The following FAR2 variants were observed in gnomAD, a reference collection of about 807,000 sequenced individuals.
FAR2 encodes the protein epididymis secretory protein Li 81.
A neutral mutation model predicts 56.0 loss-of-function variants in FAR2; 19 were observed. The ratio of observed to expected loss-of-function variants is 0.34; its 90% confidence interval spans 0.24 to 0.50. The LOEUF (loss-of-function observed/expected upper bound fraction) is 0.50, where lower values mean the gene tolerates loss of function less well. FAR2 is among the 20% of genes least tolerant of loss of function. The probability of loss-of-function intolerance (pLI) is 0.98; values close to 1 mark genes in which losing one functional copy is unlikely to be tolerated. For missense variants in FAR2, 508 were observed against 642.2 expected (o/e 0.79, Z 2.26); for synonymous variants, 219 against 218.8 (o/e 1.00, Z -0.01).
At chr12:29,278,112 G>A (rs987258890) in intron 2 of FAR2, among the ~76,000 whole-genome samples, 1 of 151,348 alleles carries the variant, frequency 6.6e-6, no homozygotes, top group African/African-American at 2.4e-5. Context: ...TCAAATTTTT[G>A]TACAGATGGG....
chr12:29,291,283 A>G, intron 2 of FAR2: 1 of 412,014 alleles, frequency 2.4e-6, no homozygotes, highest in African/African-American at 2.1e-5. Flanking sequence ...TACCTGGACC[A>G]TCAGATCCAC....
chr12:29,149,678 C>A (rs1030500772), intron 1 of FAR2, among the ~76,000 whole-genome samples: 4 of 152,166 alleles, frequency 2.6e-5, no homozygotes, highest in Non-Finnish European at 2.9e-5. Context: ...CAAGGTGGGG[C>A]GCGCGGGGGT....
intron 2 of FAR2, among the ~76,000 whole-genome samples, chr12:29,279,928 ATT>A (rs4033039): frequency 6.8e-6 from 1 of 146,378 alleles, no homozygotes; most frequent in African/African-American, 2.5e-5. Flanking sequence ...GTGCAATATA[ATT>A]TTTTTTTTTT....
intron 1 of FAR2, among the ~76,000 whole-genome samples, chr12:29,247,899 T>C (rs1948153391): frequency 6.6e-6 from 1 of 152,226 alleles, no homozygotes; most frequent in African/African-American, 2.4e-5. Context: ...ACACTACATT[T>C]TTCAACATCA....
chr12:29,327,345 T>G (rs1949665753), intron 10 of FAR2, among the ~76,000 whole-genome samples: 1 of 152,102 alleles, frequency 6.6e-6, no homozygotes, highest in Admixed American at 6.5e-5. Flanking sequence ...AATTTATAGA[T>G]TCAATGCCAT....
At chr12:29,173,241 A>G (rs1363991793) in intron 1 of FAR2, among the ~76,000 whole-genome samples, 2 of 152,192 alleles carry the variant, frequency 1.3e-5, no homozygotes, top group African/African-American at 4.8e-5. Flanking sequence ...CCCTTCCCCT[A>G]CAGCTTGAAG....
intron 1 of FAR2, among the ~76,000 whole-genome samples, chr12:29,219,291 A>G (rs370178974): frequency 2.6e-5 from 4 of 152,348 alleles, no homozygotes; most frequent in African/African-American, 9.6e-5. Flanking sequence ...ACACTAAAGT[A>G]ATGTTCAATA....
chr12:29,279,142 T>C (rs1433840950), intron 2 of FAR2, among the ~76,000 whole-genome samples: 1 of 152,228 alleles, frequency 6.6e-6, no homozygotes, highest in African/African-American at 2.4e-5. Context: ...CCAAGAATCG[T>C]TGAGAATTCT....
chr12:29,211,491 T>A (rs1023155576), intron 1 of FAR2, among the ~76,000 whole-genome samples: 1 of 152,114 alleles, frequency 6.6e-6, no homozygotes, highest in Admixed American at 6.6e-5. Flanking sequence ...TATCAACAAG[T>A]TTAGAAAACT....
intron 1 of FAR2, among the ~76,000 whole-genome samples, chr12:29,247,187 A>G (rs143036777): frequency 6.6e-6 from 1 of 152,264 alleles, no homozygotes; most frequent in East Asian, 1.9e-4. Flanking sequence ...TAACCTTCAT[A>G]TTAACTTTTT....
intron 10 of FAR2, among the ~76,000 whole-genome samples, chr12:29,324,417 G>A (rs538661742): frequency 1.1e-4 from 16 of 152,192 alleles, no homozygotes; most frequent in African/African-American, 3.9e-4. Context: ...GATACTCCTC[G>A]AGAAGAGCAA....
At chr12:29,150,070 C>T (rs140960855) in intron 1 of FAR2, among the ~76,000 whole-genome samples, 53 of 152,342 alleles carry the variant, frequency 3.5e-4, no homozygotes, top group Non-Finnish European at 6.8e-4. Context: ...TTTTAGACAT[C>T]TTCCTGCGGC....
In FAR2 at chr12:29,316,832, T is replaced by C; in HGVS notation, c.956-9T>C. On this transcript the variant is annotated splice_polypyrimidine_tract_variant and intron_variant, in intron 8 of 11. Coordinates refer to ENST00000536681, the MANE Select transcript of FAR2 (RefSeq NM_001271783.2). ...TTCTCCTCTAGCACTTACTTTCTTT[T>C]TTCCCCAGGAGTCCAAGTCTTGGCA... 2.5e-6 allele frequency: 4 copies of C among 1,613,724 alleles called. No homozygotes were observed. The highest frequency in any genetic ancestry group is 1.3e-5 in the African/African-American group (1 of 75,016).
At chr12:29,322,837 C>G (rs1369916221) in intron 10 of FAR2, among the ~76,000 whole-genome samples, 2 of 152,170 alleles carry the variant, frequency 1.3e-5, no homozygotes, top group South Asian at 4.1e-4. Flanking sequence ...ATCTGTCACC[C>G]CTTTCTTTGA....
intron 1 of FAR2, among the ~76,000 whole-genome samples, chr12:29,250,375 G>T (rs1948189637): frequency 6.6e-6 from 1 of 152,132 alleles, no homozygotes; most frequent in African/African-American, 2.4e-5. Flanking sequence ...GGGATAGTTA[G>T]AATTTTATTT....
At chr12:29,331,861 A>G (rs1380073142) in intron 10 of FAR2, 1 of 152,096 alleles carries the variant, frequency 6.6e-6, no homozygotes, top group Non-Finnish European at 1.5e-5. Context: ...TCCATAACAA[A>G]CCAAAAAAAG....
chr12:29,161,698 T>C (rs2136578353), intron 1 of FAR2, among the ~76,000 whole-genome samples: 1 of 152,372 alleles, frequency 6.6e-6, no homozygotes, highest in Admixed American at 6.5e-5. Flanking sequence ...TTAATAAATC[T>C]GCCAAAGCGT....
intron 6 of FAR2, 56 bp from the exon 7 acceptor site, chr12:29,310,972 G>T (rs1280848718): frequency 7.7e-7 from 1 of 1,296,798 alleles, no homozygotes; most frequent in African/African-American, 1.5e-5. Flanking sequence ...ACATACTTTA[G>T]CCCCAGCTAT....
chr12:29,327,431 A>G (rs1382059777), intron 10 of FAR2, among the ~76,000 whole-genome samples: 7 of 152,214 alleles, frequency 4.6e-5, no homozygotes, highest in Non-Finnish European at 1.5e-5. Context: ...ACCAAAAAAG[A>G]GCCCGCATTG....
Sources: allele counts gnomAD v4.1 joint callset (sites outside exome capture counted in the v4.1 genomes callset), GRCh38; gene constraint gnomAD v4.1.1; transcripts MANE v1.5; gene names NCBI Gene and HGNC (gene_info 2026-07-23, HGNC 2026-07-21).